The following ACSM3 variants were observed in gnomAD, a reference collection of about 807,000 sequenced individuals.
ACSM3 encodes acyl-coenzyme A synthetase ACSM3, mitochondrial.
ACSM3 carries 61 observed loss-of-function variants against 74.1 expected under a neutral mutation model. The observed-to-expected ratio is 0.82, with a 90% CI of 0.67 to 1.02. The LOEUF is 1.02. Among genes scored for constraint, ACSM3 ranks in the 50% least tolerant of loss-of-function variants. The pLI is 0.00. For synonymous variants in ACSM3, 213 were observed against 241.5 expected, an observed-to-expected ratio of 0.88 and a Z score of 1.09; for missense variants, 660 against 697.0, an observed-to-expected ratio of 0.95 and a Z score of 0.60.
intron 6 of ACSM3, 125 bp downstream of exon 6, chr16:20,781,255 A>G (rs770794849): frequency 1.5e-4 from 180 of 1,237,682 alleles, no homozygotes; most frequent in Non-Finnish European, 1.9e-4. Flanking sequence ...TGTCACATCC[A>G]GAAAGTCAAT....
intron 1 of ACSM3, among the ~76,000 whole-genome samples, chr16:20,728,729 G>A (rs2079815608): frequency 6.6e-6 from 1 of 151,780 alleles, no homozygotes; most frequent in Non-Finnish European, 1.5e-5. Flanking sequence ...GGGTGCAGTT[G>A]GGGGGTGCTA....
At chr16:20,755,137 T>G (rs1290863298) in intron 2 of ACSM3, among the ~76,000 whole-genome samples, 1 of 152,174 alleles carries the variant, frequency 6.6e-6, no homozygotes, top group African/African-American at 2.4e-5. Flanking sequence ...ATGTCTATAT[T>G]CACCTGGCAA....
intron 1 of ACSM3, among the ~76,000 whole-genome samples, chr16:20,745,059 C>T (rs965129109): frequency 3.9e-5 from 6 of 152,224 alleles, no homozygotes; most frequent in Admixed American, 6.5e-5. Context: ...GCCGGGGCTG[C>T]GTCCACTTAC....
intron 1 of ACSM3, among the ~76,000 whole-genome samples, chr16:20,683,152 C>G (rs985304681): frequency 6.6e-6 from 1 of 151,856 alleles, no homozygotes; most frequent in Admixed American, 6.6e-5. Context: ...GAGTCTCCCC[C>G]TGTCACCCAG....
Position 20,795,474 on chromosome 16 carries a change from C to G in ACSM3, c.1555-896C>G, listed in dbSNP as rs116465374. ...TGGTAATTTGTTGTTTCAAATAATT[C>G]CTTTTCAATGAAATCTTTACTCCCA... On this transcript the variant is annotated intron_variant, in intron 12 of 13. Coordinates refer to ENST00000289416, the MANE Select transcript of ACSM3 (RefSeq NM_005622.4). 6.7e-3 allele frequency among the ~76,000 whole-genome samples: 1,013 copies of G among 152,274 alleles called. 18 individuals are homozygous for G. The highest frequency in any genetic ancestry group is 0.023 in the African/African-American group (953 of 41,562).
At chr16:20,727,641 T>C (rs1046909825) in intron 1 of ACSM3, among the ~76,000 whole-genome samples, 5 of 152,276 alleles carry the variant, frequency 3.3e-5, no homozygotes, top group Middle Eastern at 6.8e-3. Context: ...TAGGTTTTGC[T>C]AAAGGGGTGA....
rs553194378 is a variant in ACSM3, at chr16:20,691,165, C to T, written c.-190+16343C>T. The T allele has an allele frequency of 7.5e-6, 12 of 1,601,286 alleles. 1 individual carries two copies. The Admixed American group carries it at 2.1e-4, about 28-fold the overall frequency. On this transcript the variant is annotated intron_variant, in intron 1 of 3. Coordinates refer to the ACSM3 transcript ENST00000561584. ...AGGATTTGTGGATGCCCCAGAGGGT[C>T]CGGAACCTCATTAGCCACTGCATGG...
At chr16:20,776,436 G>A (rs968490469) in intron 3 of ACSM3, among the ~76,000 whole-genome samples, 1 of 152,166 alleles carries the variant, frequency 6.6e-6, no homozygotes, top group African/African-American at 2.4e-5. Flanking sequence ...CAATCTTCTT[G>A]CCTACTGTGT....
At chr16:20,685,353 C>A in intron 1 of ACSM3, 1 of 1,614,186 alleles carries the variant, frequency 6.2e-7, no homozygotes, top group Non-Finnish European at 8.5e-7. Context: ...TTACTTCATC[C>A]CCTTGGCCAT....
At chr16:20,786,687 T>C (rs879278240) in intron 9 of ACSM3, among the ~76,000 whole-genome samples, 1 of 152,080 alleles carries the variant, frequency 6.6e-6, no homozygotes, top group Non-Finnish European at 1.5e-5. Context: ...TGTCTCTAAA[T>C]AAATAAATAT....
intron 1 of ACSM3, among the ~76,000 whole-genome samples, chr16:20,707,921 C>G (rs2079732368): frequency 6.6e-6 from 1 of 152,098 alleles, no homozygotes; most frequent in Non-Finnish European, 1.5e-5. Context: ...GAAAAAAATT[C>G]AAAATAATTA....
intron 1 of ACSM3, chr16:20,739,103 CACA>C (rs2079895759): frequency 2.5e-6 from 4 of 1,605,254 alleles, no homozygotes; most frequent in African/African-American, 1.3e-5. Flanking sequence ...GCAGAAATGA[CACA>C]ACAGCTCACA....
intron 1 of ACSM3, among the ~76,000 whole-genome samples, chr16:20,744,976 G>A (rs2079951675): frequency 6.6e-6 from 1 of 152,176 alleles, no homozygotes. Flanking sequence ...AATGAAGTGA[G>A]AAAAATATGC....
At chr16:20,735,177 T>A (rs1304927189) in intron 1 of ACSM3, 4 of 152,210 alleles carry the variant, frequency 2.6e-5, no homozygotes, top group Non-Finnish European at 5.9e-5. Flanking sequence ...ATGAAAAACG[T>A]CTGCAAAATA....
chr16:20,742,972 G>A (rs1210783114), intron 1 of ACSM3, among the ~76,000 whole-genome samples: 1 of 137,124 alleles, frequency 7.3e-6, no homozygotes, highest in Admixed American at 7.8e-5. Context: ...ATGGAGTCTC[G>A]CTCTGTCGCC....
chr16:20,776,014 A>G lies in ACSM3; in HGVS notation c.395A>G (p.Glu132Gly). ...ATTCTGATTCTGCCCAGGGTCCCAG[A>G]GTGGTGGCTTGCAAATGTGGCCTGT... ...RVILILPRVP[E>G]WWLANVACLR... Residue 132 changes from glutamate (E) to glycine (G), a missense_variant, in exon 3 of 14, where the codon GAG becomes GGG. Physicochemically the swap from Glu to Gly is moderately conservative, Grantham distance 98. Transcript: ENST00000289416. 2 of 1,614,176 alleles carry G rather than the reference A, an allele frequency of 1.2e-6. No homozygotes were observed. The highest frequency in any genetic ancestry group is 2.7e-5 in the African/African-American group (2 of 75,034).
chr16:20,793,945 T>G (rs2080662840), intron 12 of ACSM3, among the ~76,000 whole-genome samples: 1 of 152,058 alleles, frequency 6.6e-6, no homozygotes, highest in Non-Finnish European at 1.5e-5. Flanking sequence ...ATAGGAAAGG[T>G]CTATAAGTGG....
At chr16:20,677,224 A>C (rs1027520308) in intron 1 of ACSM3, among the ~76,000 whole-genome samples, 1 of 136,716 alleles carries the variant, frequency 7.3e-6, no homozygotes, top group Non-Finnish European at 1.6e-5. Context: ...TTTTAAAGAA[A>C]TTAAAAAAAA....
Position 20,709,090 on chromosome 16 carries a change from CTGCACGTTG to C in ACSM3, c.-190+34274_-190+34282del, listed in dbSNP as rs533229783. On this transcript the variant is annotated intron_variant, in intron 1 of 3. Coordinates refer to the ACSM3 transcript ENST00000561584. ...GCACATGTATACATATGTAACAAAC[CTGCACGTTG>C]TGCACATGTACCCAAAGTATAATTT... Among the ~76,000 whole-genome samples, 16 of 152,250 alleles carry C rather than the reference CTGCACGTTG, an allele frequency of 1.1e-4. No homozygotes were observed. In the South Asian group the frequency reaches 3.1e-3, roughly 30 times the overall value.
Sources: gnomAD v4.1 joint callset for allele counts (sites outside exome capture counted in the v4.1 genomes callset) on GRCh38, gnomAD v4.1.1 for gene constraint, MANE v1.5 for transcripts, NCBI Gene and HGNC (gene_info 2026-07-23, HGNC 2026-07-21) for gene names.